Variants in ZNF75A observed in about 807,000 individuals in gnomAD.
The protein encoded by ZNF75A is zinc finger protein 75A.
A neutral mutation model predicts 46.3 loss-of-function variants in ZNF75A; 36 were observed. The ratio of observed to expected loss-of-function variants is 0.78; its 90% CI spans 0.60 to 1.03. The LOEUF (loss-of-function observed/expected upper bound fraction) is 1.03, where lower values mean the gene tolerates loss of function less well. ZNF75A is among the 50% of genes least tolerant of loss of function. ZNF75A has a pLI of 0.00. For missense variants in ZNF75A, 595 were observed against 551.3 expected, an observed-to-expected ratio of 1.08 and a Z score of -0.79; for synonymous variants, 234 against 189.9, an observed-to-expected ratio of 1.23 and a Z score of -1.91.
chr16:3,319,720 C>T (rs187316577), downstream of ZNF75A, among the ~76,000 whole-genome samples: 5 of 151,764 alleles, frequency 3.3e-5, no homozygotes, highest in Non-Finnish European at 5.9e-5. Flanking sequence ...TGCTCTAAGA[C>T]GGGTATGAGA....
intron 2 of ZNF75A, chr16:3,310,668 T>C (rs1023012067): frequency 3.0e-6 from 3 of 985,048 alleles, no homozygotes; most frequent in South Asian, 4.7e-5. Context: ...AGGGGAAGAC[T>C]GCACAAGAAA....
At chr16:3,314,598 T>G in intron 5 of ZNF75A, 1 of 900,042 alleles carries the variant, frequency 1.1e-6, no homozygotes, top group Non-Finnish European at 1.3e-6. Context: ...CCTTTTCTTC[T>G]GCCTTCGCCC....
intron 5 of ZNF75A, chr16:3,314,858 CTGTCATT>C (rs1961080355): frequency 1.0e-6 from 1 of 985,290 alleles, no homozygotes; most frequent in African/African-American, 1.7e-5. Flanking sequence ...AACTGTAAGA[CTGTCATT>C]TGTCTAGGTA....
rs577439065 is a variant in ZNF75A, at chr16:3,316,999, A to G, written c.911A>G (p.Asp304Gly). Residue 304 changes from aspartate (D) to glycine (G), a missense_variant, in exon 6 of 7, where the codon GAT becomes GGT. Coordinates refer to ENST00000669516, the MANE Select transcript of ZNF75A (RefSeq NM_001302109.2). ...PWVQVSPEFK[D>G]SAGKSPTGLK... ...GTTCAAGTATCCCCGGAGTTTAAGG[A>G]TAGTGCCGGAAAATCTCCTACAGGT... is the stretch of plus-strand genomic sequence containing the variant. 6.2e-7 allele frequency: 1 copy of G among 1,614,012 alleles called. No homozygotes were observed. Among genetic ancestry groups the G allele is most frequent in the Non-Finnish European group, 8.5e-7 (1 of 1,179,936 alleles).
chr16:3,309,922 G>T (rs548401074), intron 2 of ZNF75A, among the ~76,000 whole-genome samples: 1 of 150,764 alleles, frequency 6.6e-6, no homozygotes, highest in Non-Finnish European at 1.5e-5. Context: ...GTGTGACCTT[G>T]TTGCTATGAA....
At chr16:3,307,010 G>A (rs1960323036) in intron 1 of ZNF75A, 1 of 150,090 alleles carries the variant, frequency 6.7e-6, no homozygotes, top group African/African-American at 2.5e-5. Context: ...GGAGTGCCGT[G>A]GCACAGTCTG....
chr16:3,315,618 C>T (rs982450171), intron 5 of ZNF75A, among the ~76,000 whole-genome samples: 1 of 152,230 alleles, frequency 6.6e-6, no homozygotes, highest in Non-Finnish European at 1.5e-5. Context: ...GCACTGCCAG[C>T]ATCCTGATCT....
intron 5 of ZNF75A, 149 bp downstream of exon 5, chr16:3,313,324 T>C (rs1251256651): frequency 4.1e-6 from 3 of 738,232 alleles, no homozygotes; most frequent in Non-Finnish European, 6.5e-6. Flanking sequence ...TGTATCCAGA[T>C]CACCTGTGGA....
chr16:3,317,693 C>G lies in ZNF75A; in HGVS notation c.1438C>G (p.His480Asp). 6.2e-7 allele frequency: 1 copy of G among 1,614,164 alleles called. No homozygotes were observed. The highest frequency in any genetic ancestry group is 1.3e-5 in the African/African-American group (1 of 75,044). ...NTNLHTHQRTHTGEKPFTCHE... is the reference protein window; with the variant it reads ...NTNLHTHQRTDTGEKPFTCHE... The stretch of plus-strand genomic sequence containing the variant: ...AAATTTACATACACACCAAAGAACT[C>G]ATACAGGAGAAAAGCCCTTCACATG... Residue 480 changes from histidine (H) to aspartate (D), a missense_variant, in exon 7 of 7, where the codon CAT becomes GAT. Physicochemically the swap from His to Asp is moderately conservative, Grantham distance 81. Transcript: ENST00000669516.
At chr16:3,318,913 C>T, downstream of ZNF75A, 11 of 865,888 alleles carry the variant, frequency 1.3e-5, 1 homozygote, top group Non-Finnish European at 1.5e-5. Context: ...GTCCTGTAAG[C>T]TCTACCTGTC....
intron 1 of ZNF75A, 167 bp downstream of exon 1, chr16:3,305,810 C>G (rs1960160426): frequency 6.6e-6 from 1 of 152,262 alleles, no homozygotes; most frequent in African/African-American, 2.4e-5. Flanking sequence ...CATTCTCTCC[C>G]CGCTTTTCGC....
chr16:3,309,059 C>T (rs572794391), intron 2 of ZNF75A: 4 of 163,374 alleles, frequency 2.4e-5, no homozygotes, highest in Non-Finnish European at 5.1e-5. Context: ...AAGAGAGTTG[C>T]TTTTGCCCTC....
chr16:3,311,676 G>C (rs1011547826), intron 2 of ZNF75A, 77 bp from the exon 3 acceptor site: 12 of 791,666 alleles, frequency 1.5e-5, no homozygotes, highest in South Asian at 5.3e-5. Flanking sequence ...AATGTGGGCT[G>C]TACACCTGTC....
chr16:3,314,170 C>G (rs991367607), intron 5 of ZNF75A, among the ~76,000 whole-genome samples: 1 of 152,114 alleles, frequency 6.6e-6, no homozygotes, highest in Non-Finnish European at 1.5e-5. Context: ...TTACAAAGAA[C>G]CAAGTGGTTA....
Position 3,308,570 on chromosome 16 carries a change from T to C in ZNF75A, c.142T>C (p.Cys48Arg). The C allele has an allele frequency of 6.1e-6, 6 of 985,960 alleles. No individual in the cohort carries two copies. The highest frequency in any genetic ancestry group is 7.2e-6 in the Non-Finnish European group (6 of 829,994). 61.1% of individuals were successfully genotyped at this position (985,960 alleles called of 1,614,324 possible). Residue 48 changes from cysteine to arginine, a missense_variant, in exon 2 of 7, where the codon TGC (cysteine) becomes CGC (arginine). Transcript: ENST00000669516. ...GGACTGTCTCGATCCTAAGAGCTCT[T>C]GCTGGCACTTCCGGAATTTCACCTA... ...QMDCLDPKSS[C>R]WHFRNFTYDE... is the part of the protein sequence containing the mutation.
At chr16:3,321,721 G>A (rs1036743776), downstream of ZNF75A, among the ~76,000 whole-genome samples, 2 of 152,168 alleles carry the variant, frequency 1.3e-5, no homozygotes, top group Admixed American at 1.3e-4. Context: ...CTCCTGCATT[G>A]GCCTCCCAAA....
intron 2 of ZNF75A, among the ~76,000 whole-genome samples, chr16:3,311,356 T>A (rs1567268416): frequency 6.6e-6 from 1 of 151,328 alleles, no homozygotes; most frequent in Non-Finnish European, 1.5e-5. Flanking sequence ...GAGAATCACT[T>A]GAACCCAGGA....
At chr16:3,322,174 A>G (rs2029969380), downstream of ZNF75A, among the ~76,000 whole-genome samples, 1 of 152,160 alleles carries the variant, frequency 6.6e-6, no homozygotes, top group Non-Finnish European at 1.5e-5. Context: ...AGTCCCCTCA[A>G]GTGGGAAACA....
intron 2 of ZNF75A, chr16:3,309,451 CAAAAAAAA>C (rs56710056): frequency 3.6e-5 from 4 of 112,388 alleles, no homozygotes; most frequent in South Asian, 6.2e-4. Flanking sequence ...CTCCATCTCA[CAAAAAAAA>C]AAAAAACAAA....
Sources: gnomAD v4.1 joint callset for allele counts (sites outside exome capture counted in the v4.1 genomes callset) on GRCh38, gnomAD v4.1.1 for gene constraint, MANE v1.5 for transcripts, NCBI Gene and HGNC (gene_info 2026-07-23, HGNC 2026-07-21) for gene names.